Variants in KAZN observed in about 807,000 individuals in gnomAD.
The protein encoded by KAZN is kazrin, periplakin interacting protein.
In KAZN, 40 loss-of-function variants were observed where a neutral mutation model predicts 87.4. The observed-to-expected ratio is 0.46, with a 90% CI of 0.36 to 0.60. The LOEUF is 0.60. Ranked by LOEUF, KAZN falls within the 20% of genes least tolerant of loss-of-function variation. The pLI is 0.00. For missense variants in KAZN, 898 were observed against 1,073.9 expected, an observed-to-expected ratio of 0.84 and a Z score of 2.29; for synonymous variants, 466 against 458.3, an observed-to-expected ratio of 1.02 and a Z score of -0.22.
intron 2 of KAZN, among the ~76,000 whole-genome samples, chr1:14,331,954 C>G (rs1557644706): frequency 6.6e-6 from 1 of 152,166 alleles, no homozygotes; most frequent in South Asian, 2.1e-4. Context: ...TATTATATTT[C>G]TAAGATACAT....
chr1:14,663,081 C>G (rs1274290209), intron 1 of KAZN, among the ~76,000 whole-genome samples: 1 of 151,736 alleles, frequency 6.6e-6, no homozygotes, highest in African/African-American at 2.4e-5. Flanking sequence ...AGCGATCTTC[C>G]TACCTCAGCC....
chr1:13,999,374 CA>C (rs1422716135), intron 1 of KAZN, among the ~76,000 whole-genome samples: 1 of 109,580 alleles, frequency 9.1e-6, no homozygotes, highest in African/African-American at 3.6e-5. Flanking sequence ...AAACAAAAAA[CA>C]AAAAAACAAA....
intron 2 of KAZN, among the ~76,000 whole-genome samples, chr1:14,412,615 G>A (rs1039725272): frequency 1.3e-5 from 2 of 152,012 alleles, no homozygotes; most frequent in African/African-American, 4.8e-5. Flanking sequence ...CATAAAAGAA[G>A]AGGAAAAAAT....
At chr1:14,925,045 C>T (rs1319780997) in intron 1 of KAZN, among the ~76,000 whole-genome samples, 3 of 152,244 alleles carry the variant, frequency 2.0e-5, no homozygotes, top group East Asian at 3.9e-4. Context: ...GGAGAGATTG[C>T]TGCGTTTCTC....
At chr1:13,979,909 C>T (rs936483152) in intron 1 of KAZN, among the ~76,000 whole-genome samples, 6 of 128,892 alleles carry the variant, frequency 4.7e-5, no homozygotes, top group South Asian at 2.4e-4. Context: ...CCAGCCTGGG[C>T]GACAGAGCAA....
intron 1 of KAZN, among the ~76,000 whole-genome samples, chr1:14,673,462 C>G (rs1640034593): frequency 6.6e-6 from 1 of 152,226 alleles, no homozygotes. Context: ...AAGTGACTGC[C>G]TGAAGAAGGG....
chr1:14,329,973 CT>C (rs1307424735), intron 2 of KAZN, among the ~76,000 whole-genome samples: 1 of 152,182 alleles, frequency 6.6e-6, no homozygotes, highest in East Asian at 1.9e-4. Flanking sequence ...CTTTCTAAAG[CT>C]TTTGAATCAC....
intron 1 of KAZN, among the ~76,000 whole-genome samples, chr1:14,094,994 C>T (rs533778894): frequency 6.6e-6 from 1 of 152,254 alleles, no homozygotes; most frequent in East Asian, 1.9e-4. Context: ...ATGCTCACCC[C>T]ATTCAAGGCC....
At chr1:14,827,862 G>A (rs1646942743) in intron 1 of KAZN, among the ~76,000 whole-genome samples, 1 of 152,184 alleles carries the variant, frequency 6.6e-6, no homozygotes. Context: ...CCCTAACTTG[G>A]GGTTTCACAT....
In KAZN at chr1:14,782,338, A is replaced by G. The variant is rs146091174; in HGVS notation, c.227-178346A>G. ...GAGGCGGGTGAAATCACCTGAGGTC[A>G]GGAGTTTGAGACTAGCCTGGCCAAG... On this transcript the variant is annotated intron_variant, in intron 1 of 14. Coordinates refer to ENST00000376030, the MANE Select transcript of KAZN (RefSeq NM_201628.3). Among the ~76,000 whole-genome samples the G allele has an allele frequency of 5.0e-3, 766 of 152,200 alleles. 10 individuals carry two copies. The highest frequency in any genetic ancestry group is 0.018 in the African/African-American group (737 of 41,526).
intron 2 of KAZN, among the ~76,000 whole-genome samples, chr1:14,563,069 T>A (rs1373693520): frequency 6.6e-6 from 1 of 152,098 alleles, no homozygotes; most frequent in African/African-American, 2.4e-5. Flanking sequence ...GACAAAAGCA[T>A]CCCCACAGCT....
chr1:15,000,137 G>A (rs1412335336), intron 2 of KAZN, among the ~76,000 whole-genome samples: 2 of 152,104 alleles, frequency 1.3e-5, no homozygotes, highest in Non-Finnish European at 2.9e-5. Flanking sequence ...CAGAGAGAGG[G>A]AAGGAGATGT....
chr1:15,073,992 C>T (rs2100602415), intron 8 of KAZN, among the ~76,000 whole-genome samples: 1 of 152,326 alleles, frequency 6.6e-6, no homozygotes, highest in East Asian at 1.9e-4. Context: ...CACCCAGAAG[C>T]CCCACCACCC....
intron 2 of KAZN, among the ~76,000 whole-genome samples, chr1:14,519,324 C>T (rs980637317): frequency 1.3e-5 from 2 of 152,064 alleles, no homozygotes; most frequent in South Asian, 2.1e-4. Context: ...AGATGGCCTC[C>T]GAGGCCAGTT....
intron 2 of KAZN, among the ~76,000 whole-genome samples, chr1:14,370,265 T>C (rs1660369611): frequency 6.6e-6 from 1 of 152,118 alleles, no homozygotes; most frequent in Non-Finnish European, 1.5e-5. Context: ...GGAGGACTGG[T>C]CCTGGGTAGG....
At chr1:14,697,269 A>C (rs538806948) in intron 1 of KAZN, among the ~76,000 whole-genome samples, 1 of 151,982 alleles carries the variant, frequency 6.6e-6, no homozygotes, top group African/African-American at 2.4e-5. Context: ...GGTCAAGGCT[A>C]CAGTGAGCCA....
At chr1:14,827,903 G>C (rs1407416041) in intron 1 of KAZN, among the ~76,000 whole-genome samples, 1 of 152,192 alleles carries the variant, frequency 6.6e-6, no homozygotes, top group Non-Finnish European at 1.5e-5. Flanking sequence ...AAATAGACTG[G>C]GGTTTCTTTT....
At chr1:13,914,883 CA>C (rs1364654733) in intron 1 of KAZN, among the ~76,000 whole-genome samples, 1 of 152,162 alleles carries the variant, frequency 6.6e-6, no homozygotes, top group African/African-American at 2.4e-5. Flanking sequence ...AGCTTGGAAG[CA>C]AATTCTTTCT....
At chr1:14,536,965 T>C (rs1038516019) in intron 2 of KAZN, among the ~76,000 whole-genome samples, 1 of 152,156 alleles carries the variant, frequency 6.6e-6, no homozygotes. Context: ...TGGCATCTCC[T>C]GGTACAATAG....
Sources: gnomAD v4.1 joint callset for allele counts (sites outside exome capture counted in the v4.1 genomes callset) on GRCh38, gnomAD v4.1.1 for gene constraint, MANE v1.5 for transcripts, NCBI Gene and HGNC (gene_info 2026-07-23, HGNC 2026-07-21) for gene names.